CCDC149: variants seen among roughly 807,000 people sequenced by gnomAD.
CCDC149 encodes coiled-coil domain containing 149.
A neutral mutation model predicts 59.9 loss-of-function variants in CCDC149; 45 were observed. The ratio of observed to expected loss-of-function variants is 0.75; its 90% CI spans 0.59 to 0.96. CCDC149 has a LOEUF of 0.96. Ranked by LOEUF, CCDC149 falls within the 40% of genes least tolerant of loss-of-function variation. The pLI is 0.00. For missense variants in CCDC149, 584 were observed against 664.7 expected (o/e 0.88, Z 1.33); for synonymous variants, 245 against 260.6 (o/e 0.94, Z 0.58).
At chr4:24,931,319 A>G (rs1316930987) in intron 1 of CCDC149, among the ~76,000 whole-genome samples, 1 of 146,712 alleles carries the variant, frequency 6.8e-6, no homozygotes, top group African/African-American at 2.5e-5. Context: ...AAATATATAT[A>G]TATATATATA....
At chr4:24,961,907 C>T (rs1723643635) in intron 1 of CCDC149, among the ~76,000 whole-genome samples, 1 of 151,958 alleles carries the variant, frequency 6.6e-6, no homozygotes, top group Non-Finnish European at 1.5e-5. Flanking sequence ...TGGGCAGGGA[C>T]TTCATGTCTA....
chr4:24,889,943 G>A (rs1324065068), intron 1 of CCDC149, among the ~76,000 whole-genome samples: 1 of 152,190 alleles, frequency 6.6e-6, no homozygotes, highest in African/African-American at 2.4e-5. Context: ...AGGCAAAGGG[G>A]ACCTGTAATC....
At chr4:24,947,317 T>C (rs1426864577) in intron 1 of CCDC149, among the ~76,000 whole-genome samples, 1 of 152,192 alleles carries the variant, frequency 6.6e-6, no homozygotes, top group Non-Finnish European at 1.5e-5. Context: ...TGAGATCTGA[T>C]GGTTTTATAA....
chr4:24,960,176 A>C (rs78931708), intron 1 of CCDC149, among the ~76,000 whole-genome samples: 2,983 of 152,290 alleles, frequency 0.02, 115 homozygotes, highest in African/African-American at 0.069. Context: ...AAGGTGATAT[A>C]ATGTCACTTG....
chr4:24,880,581 C>G (rs1049729081), intron 1 of CCDC149, among the ~76,000 whole-genome samples: 2 of 152,104 alleles, frequency 1.3e-5, no homozygotes, highest in African/African-American at 4.8e-5. Flanking sequence ...CATTTTTTAT[C>G]CCTGTGATTG....
At chr4:24,845,672 T>C (rs1400876246) in intron 4 of CCDC149, among the ~76,000 whole-genome samples, 2 of 152,208 alleles carry the variant, frequency 1.3e-5, no homozygotes, top group African/African-American at 2.4e-5. Flanking sequence ...CTCATTGATA[T>C]TGTTTGCTGT....
chr4:24,968,110 A>C (rs1338380800), intron 1 of CCDC149, among the ~76,000 whole-genome samples: 1 of 152,246 alleles, frequency 6.6e-6, no homozygotes, highest in Non-Finnish European at 1.5e-5. Context: ...TTCAACAGGC[A>C]TGAGCCCTAC....
intron 3 of CCDC149, among the ~76,000 whole-genome samples, chr4:24,867,915 G>A (rs960350788): frequency 4.6e-5 from 7 of 152,176 alleles, no homozygotes; most frequent in African/African-American, 9.7e-5. Context: ...GCAATAATAC[G>A]CACATTGTGG....
At chr4:24,906,821 G>A (rs1351565006) in intron 1 of CCDC149, among the ~76,000 whole-genome samples, 1 of 152,120 alleles carries the variant, frequency 6.6e-6, no homozygotes, top group Non-Finnish European at 1.5e-5. Flanking sequence ...CATGGATGTG[G>A]TGCAGACAGC....
At chr4:24,871,042 C>CA (rs35580363) in intron 3 of CCDC149, among the ~76,000 whole-genome samples, 4,522 of 77,794 alleles carry the variant, frequency 0.058, 182 homozygotes, top group African/African-American at 0.13. Flanking sequence ...GAGACTCCCT[C>CA]AAAAAAAAAA....
At chr4:24,882,784 A>G (rs1384474455) in intron 1 of CCDC149, among the ~76,000 whole-genome samples, 1 of 152,194 alleles carries the variant, frequency 6.6e-6, no homozygotes, top group Non-Finnish European at 1.5e-5. Flanking sequence ...TGAGAAACAC[A>G]TATGGGCTCC....
At chr4:24,817,164 G>A (rs572237765) in intron 12 of CCDC149, among the ~76,000 whole-genome samples, 139 of 152,266 alleles carry the variant, frequency 9.1e-4, no homozygotes, top group African/African-American at 3.2e-3. Context: ...CTCCGTTTCA[G>A]GTTAGCAGGC....
chr4:24,933,099 G>A (rs1189841579), intron 1 of CCDC149, among the ~76,000 whole-genome samples: 1 of 152,166 alleles, frequency 6.6e-6, no homozygotes, highest in African/African-American at 2.4e-5. Context: ...ACAAAGAGGG[G>A]GCTGTTCTTG....
At chr4:24,965,941 T>C (rs113796773) in intron 1 of CCDC149, among the ~76,000 whole-genome samples, 1 of 152,366 alleles carries the variant, frequency 6.6e-6, no homozygotes, top group African/African-American at 2.4e-5. Flanking sequence ...TTGGAGCCAC[T>C]ATTATCTGTA....
At chr4:24,966,265 A>C (rs993662001) in intron 1 of CCDC149, among the ~76,000 whole-genome samples, 2 of 152,158 alleles carry the variant, frequency 1.3e-5, no homozygotes, top group Non-Finnish European at 2.9e-5. Flanking sequence ...AATGGCAGTC[A>C]TATGCCAAAT....
chr4:24,870,192 T>C (rs1431321322), intron 3 of CCDC149, among the ~76,000 whole-genome samples: 1 of 152,210 alleles, frequency 6.6e-6, no homozygotes, highest in Non-Finnish European at 1.5e-5. Context: ...CAAAATCACA[T>C]GGCACACACT....
chr4:24,935,504 T>A (rs956539723), intron 1 of CCDC149, among the ~76,000 whole-genome samples: 5 of 152,244 alleles, frequency 3.3e-5, no homozygotes, highest in Admixed American at 2.6e-4. Context: ...GTGAGGACTT[T>A]GGGACATTAT....
intron 1 of CCDC149, among the ~76,000 whole-genome samples, chr4:24,932,605 TC>T (rs1291687556): frequency 2.0e-5 from 3 of 152,142 alleles, no homozygotes; most frequent in Non-Finnish European, 4.4e-5. Flanking sequence ...TAAATCCAGA[TC>T]CCCAGAGACG....
intron 4 of CCDC149, among the ~76,000 whole-genome samples, chr4:24,845,424 G>A (rs1302683099): frequency 1.6e-4 from 24 of 152,098 alleles, no homozygotes; most frequent in Admixed American, 1.0e-3. Flanking sequence ...TACTTAGCAC[G>A]TATCACCTCC....
Sources: gnomAD v4.1 joint callset for allele counts (sites outside exome capture counted in the v4.1 genomes callset) on GRCh38, gnomAD v4.1.1 for gene constraint, MANE v1.5 for transcripts, NCBI Gene and HGNC (gene_info 2026-07-23, HGNC 2026-07-21) for gene names.